The following NAV3 variants were observed in gnomAD, a reference collection of about 807,000 sequenced individuals.
NAV3 encodes pore membrane and/or filament interacting like protein 1.
In NAV3, 87 loss-of-function variants were observed where a neutral mutation model predicts 244.7. The ratio of observed to expected loss-of-function variants is 0.36; its 90% CI spans 0.30 to 0.42. The LOEUF is 0.42. NAV3 is among the 20% of genes least tolerant of loss of function. The probability of loss-of-function intolerance (pLI) is 1.00; values close to 1 mark genes in which losing one functional copy is unlikely to be tolerated. For synonymous variants in NAV3, 1,126 were observed against 1,042.2 expected (o/e 1.08, Z -1.55); for missense variants, 2,663 against 2,893.3 (o/e 0.92, Z 1.83).
intron 23 of NAV3, among the ~76,000 whole-genome samples, chr12:78,165,499 G>A (rs565651482): frequency 2.0e-5 from 3 of 151,850 alleles, no homozygotes; most frequent in African/African-American, 7.2e-5. Flanking sequence ...GAAATTGTAT[G>A]AAAATATTTT....
chr12:78,204,118 A>C (rs1960032080), intron 38 of NAV3, among the ~76,000 whole-genome samples: 1 of 151,282 alleles, frequency 6.6e-6, no homozygotes, highest in African/African-American at 2.4e-5. Context: ...TTTTCCAAAC[A>C]CCGCATGTTC....
intron 2 of NAV3, among the ~76,000 whole-genome samples, chr12:77,572,611 C>T (rs1435543623): frequency 6.6e-6 from 1 of 152,112 alleles, no homozygotes; most frequent in African/African-American, 2.4e-5. Flanking sequence ...ATGGAGCAGG[C>T]TAGAGCTCTC....
chr12:77,793,128 A>C (rs1351075435), intron 2 of NAV3, among the ~76,000 whole-genome samples: 1 of 152,182 alleles, frequency 6.6e-6, no homozygotes, highest in Non-Finnish European at 1.5e-5. Flanking sequence ...AATATGAACA[A>C]TAATGGCATG....
intron 1 of NAV3, among the ~76,000 whole-genome samples, chr12:77,935,817 A>G (rs1359154595): frequency 6.6e-6 from 1 of 152,204 alleles, no homozygotes. Context: ...AAGCAAGATC[A>G]TCTTACGTGG....
intron 12 of NAV3, among the ~76,000 whole-genome samples, chr12:78,109,874 A>G (rs574738142): frequency 2.0e-5 from 3 of 152,010 alleles, no homozygotes; most frequent in Admixed American, 6.6e-5. Flanking sequence ...ACTTTCCTCT[A>G]AGAACTGGAA....
rs1018057666 is a variant in NAV3, at chr12:78,021,795, T to C, written c.1956T>C (p.Cys652=). The C allele has an allele frequency of 1.2e-6, 2 of 1,611,292 alleles. No homozygotes were observed. Among genetic ancestry groups the C allele is most frequent in the Non-Finnish European group, 1.7e-6 (2 of 1,178,406 alleles). Residue 652 remains cysteine, a synonymous_variant, in exon 9 of 40, where the codon TGT becomes TGC. Coordinates refer to ENST00000397909, the MANE Select transcript of NAV3 (RefSeq NM_001024383.2). ...CCGCTTTACCATCGGCTGACTCCTGTACCAGTCCTACAAAGATGGACTTAT... is the reference window on the plus strand; with the variant it reads ...CCGCTTTACCATCGGCTGACTCCTGCACCAGTCCTACAAAGATGGACTTAT... ...EGTALPSADS[C]TSPTKMDLSY...
intron 2 of NAV3, among the ~76,000 whole-genome samples, chr12:77,727,620 G>A (rs1226779423): frequency 2.0e-5 from 3 of 152,058 alleles, no homozygotes; most frequent in African/African-American, 7.2e-5. Flanking sequence ...GCTGCACATT[G>A]TTCAGTAGAG....
chr12:77,698,664 G>A (rs199658943), intron 2 of NAV3, among the ~76,000 whole-genome samples: 1 of 152,134 alleles, frequency 6.6e-6, no homozygotes, highest in East Asian at 1.9e-4. Context: ...TGTAGAAAGT[G>A]AGACCATGGA....
intron 2 of NAV3, among the ~76,000 whole-genome samples, chr12:77,591,253 A>G (rs1018426148): frequency 2.6e-5 from 4 of 152,206 alleles, no homozygotes; most frequent in African/African-American, 9.6e-5. Context: ...TGTTGGAAAA[A>G]TCTGTTACTT....
At chr12:77,824,886 C>T (rs1000577204) in intron 2 of NAV3, among the ~76,000 whole-genome samples, 4 of 136,012 alleles carry the variant, frequency 2.9e-5, no homozygotes, top group Non-Finnish European at 4.7e-5. Context: ...AACAAGACTC[C>T]GTCTCAAAAA....
chr12:77,577,800 A>G (rs1186209444), intron 2 of NAV3, among the ~76,000 whole-genome samples: 1 of 152,120 alleles, frequency 6.6e-6, no homozygotes, highest in South Asian at 2.1e-4. Context: ...CTGTCTTGAT[A>G]CTAACATGTG....
At chr12:77,619,606 G>A (rs1871281671) in intron 2 of NAV3, among the ~76,000 whole-genome samples, 1 of 152,196 alleles carries the variant, frequency 6.6e-6, no homozygotes, top group Admixed American at 6.5e-5. Flanking sequence ...CTGTCAGTCT[G>A]ATTCACACAT....
At chr12:78,032,790 C>T (rs1879217002) in intron 9 of NAV3, among the ~76,000 whole-genome samples, 1 of 152,158 alleles carries the variant, frequency 6.6e-6, no homozygotes, top group Non-Finnish European at 1.5e-5. Flanking sequence ...AATTTGTCCT[C>T]AGAGGCCATC....
chr12:77,811,943 G>A (rs981818250), intron 2 of NAV3, among the ~76,000 whole-genome samples: 2 of 152,114 alleles, frequency 1.3e-5, no homozygotes, highest in African/African-American at 2.4e-5. Context: ...ACCTGCTATC[G>A]CCAGCCATGA....
chr12:78,145,003 A>G (rs1956806770), intron 20 of NAV3: 1 of 257,158 alleles, frequency 3.9e-6, no homozygotes, highest in Non-Finnish European at 7.8e-6. Context: ...AGGGAAAACT[A>G]ATAGACATAG....
intron 3 of NAV3, among the ~76,000 whole-genome samples, chr12:77,943,742 G>A (rs948982404): frequency 6.6e-6 from 1 of 152,140 alleles, no homozygotes; most frequent in African/African-American, 2.4e-5. Flanking sequence ...GACTACTTTG[G>A]CCACCTCTTT....
At position 77,780,139 on chromosome 12, in the gene NAV3, C is replaced by T. The variant is rs878996161; in HGVS notation, c.73-160180C>T. ...AGACAAAGTTGCAGAGGAAGTGGAG[C>T]GAGGCGCACGGGTGAGCAGAATATA... On this transcript the variant is annotated intron_variant, in intron 2 of 8. Coordinates refer to the NAV3 transcript ENST00000550042. Among the ~76,000 whole-genome samples, 5 of 152,182 alleles carry T rather than the reference C, an allele frequency of 3.3e-5. No individual in the cohort carries two copies. In the South Asian group the frequency reaches 8.3e-4, roughly 25 times the overall value.
chr12:77,609,361 A>G (rs1276734289), intron 2 of NAV3, among the ~76,000 whole-genome samples: 2 of 152,090 alleles, frequency 1.3e-5, no homozygotes, highest in African/African-American at 4.8e-5. Context: ...CTACAAAGCA[A>G]TATTACCTGG....
intron 12 of NAV3, among the ~76,000 whole-genome samples, chr12:78,092,402 C>T (rs1175358321): frequency 2.0e-5 from 3 of 149,392 alleles, no homozygotes; most frequent in African/African-American, 7.4e-5. Context: ...AATAATAGAT[C>T]TTTAAACATT....
Sources: gnomAD v4.1 joint callset for allele counts (sites outside exome capture counted in the v4.1 genomes callset) on GRCh38, gnomAD v4.1.1 for gene constraint, MANE v1.5 for transcripts, NCBI Gene and HGNC (gene_info 2026-07-23, HGNC 2026-07-21) for gene names.